XPR1: variants seen among roughly 807,000 people sequenced by gnomAD.
XPR1 encodes the protein xenotropic and polytropic retrovirus receptor 1, also known as solute carrier family 53 member 1.
A neutral mutation model predicts 87.5 loss-of-function variants in XPR1; 28 were observed. That is an observed-to-expected ratio of 0.32 (90% confidence interval 0.24 to 0.44). XPR1 has a LOEUF of 0.44. Ranked by LOEUF, XPR1 falls within the 20% of genes least tolerant of loss-of-function variation. XPR1 has a pLI of 1.00. For missense variants in XPR1, 559 were observed against 862.3 expected (o/e 0.65, Z 4.41); for synonymous variants, 300 against 306.1 (o/e 0.98, Z 0.21).
At chr1:180,736,274 G>A (rs772656102) in intron 2 of XPR1, among the ~76,000 whole-genome samples, 58 of 152,026 alleles carry the variant, frequency 3.8e-4, no homozygotes, top group Non-Finnish European at 5.1e-4. Context: ...TGGTATATTC[G>A]GGCTACCTGA....
At chr1:180,696,208 G>GTA (rs71121045) in intron 2 of XPR1, among the ~76,000 whole-genome samples, 2,060 of 88,438 alleles carry the variant, frequency 0.023, 110 homozygotes, top group East Asian at 0.17. Flanking sequence ...GTGTGTGTGT[G>GTA]TATATATATA....
intron 1 of XPR1, among the ~76,000 whole-genome samples, chr1:180,671,339 G>C (rs927717079): frequency 6.6e-6 from 1 of 152,128 alleles, no homozygotes; most frequent in Non-Finnish European, 1.5e-5. Context: ...AAATTCTGTT[G>C]AAATAGTTTA....
chr1:180,782,882 C>T (rs183025508), intron 2 of XPR1, among the ~76,000 whole-genome samples: 1 of 150,802 alleles, frequency 6.6e-6, no homozygotes, highest in East Asian at 1.9e-4. Context: ...ACTCATGTCA[C>T]CTAGGCTCTT....
intron 11 of XPR1, among the ~76,000 whole-genome samples, chr1:180,857,945 G>A (rs1258566342): frequency 6.6e-6 from 1 of 152,142 alleles, no homozygotes; most frequent in African/African-American, 2.4e-5. Flanking sequence ...GGCCGGGTGT[G>A]GTGGCTCACA....
chr1:180,752,135 C>A (rs1394215282), intron 2 of XPR1, among the ~76,000 whole-genome samples: 2 of 152,064 alleles, frequency 1.3e-5, no homozygotes, highest in Non-Finnish European at 2.9e-5. Flanking sequence ...ATATTTATGG[C>A]ATGAATTGAC....
At chr1:180,856,952 T>C (rs2102198498) in intron 11 of XPR1, among the ~76,000 whole-genome samples, 1 of 151,850 alleles carries the variant, frequency 6.6e-6, no homozygotes, top group East Asian at 1.9e-4. Flanking sequence ...AATCGAAATG[T>C]GCCGTAAGTA....
Position 180,824,935 on chromosome 1 carries a change from C to G in XPR1, c.946C>G (p.Leu316Val). 1 of 1,613,436 alleles carries G rather than the reference C, an allele frequency of 6.2e-7. No individual in the cohort carries two copies. The highest frequency in any genetic ancestry group is 8.5e-7 in the Non-Finnish European group (1 of 1,179,788). Residue 316 changes from leucine to valine, a missense_variant, in exon 8 of 15, where the codon CTC becomes GTC. Leu to Val is a conservative substitution (Grantham distance 32, BLOSUM62 1). This residue lies in a region of XPR1 where 264 missense variants were observed against 377.2 expected (regional missense o/e 0.70). Transcript: ENST00000367590. ...GAGAAGCAATTTGTCTCATCAACAT[C>G]TCTTTGAGGTAATCAAAGCAAGACA... ...NPRSNLSHQHLFEIAGFLGIL... is the reference protein window; with the variant it reads ...NPRSNLSHQHVFEIAGFLGIL...
intron 12 of XPR1, among the ~76,000 whole-genome samples, chr1:180,866,132 A>C (rs1652381437): frequency 6.6e-6 from 1 of 152,250 alleles, no homozygotes; most frequent in South Asian, 2.1e-4. Context: ...GGATCACTTG[A>C]GCCCTGGAGT....
At chr1:180,804,786 A>G (rs1417473804) in intron 4 of XPR1, among the ~76,000 whole-genome samples, 2 of 152,176 alleles carry the variant, frequency 1.3e-5, no homozygotes, top group Admixed American at 6.5e-5. Flanking sequence ...TAGAAAAATA[A>G]TTACATATAT....
chr1:180,799,374 A>G (rs1013470305), intron 3 of XPR1, among the ~76,000 whole-genome samples: 1 of 152,134 alleles, frequency 6.6e-6, no homozygotes, highest in African/African-American at 2.4e-5. Flanking sequence ...ACAGAACCCC[A>G]TCCTTTCAGA....
At chr1:180,748,893 T>C (rs1166310414) in intron 2 of XPR1, among the ~76,000 whole-genome samples, 1 of 152,238 alleles carries the variant, frequency 6.6e-6, no homozygotes, top group African/African-American at 2.4e-5. Flanking sequence ...TTTTATTGAC[T>C]GTCTAGATTT....
At chr1:180,825,419 C>T in intron 9 of XPR1, 75 bp downstream of exon 9, 1 of 1,451,926 alleles carries the variant, frequency 6.9e-7, no homozygotes, top group Non-Finnish European at 9.3e-7. Flanking sequence ...AAAACCAAGG[C>T]TGCTAGGTTG....
intron 3 of XPR1, among the ~76,000 whole-genome samples, chr1:180,791,538 A>C (rs911838960): frequency 2.0e-5 from 3 of 152,186 alleles, no homozygotes; most frequent in Non-Finnish European, 4.4e-5. Context: ...TGGTCTCCCA[A>C]AGTGCTTGGA....
chr1:180,692,053 A>G (rs969322959), intron 2 of XPR1, among the ~76,000 whole-genome samples: 2 of 152,146 alleles, frequency 1.3e-5, no homozygotes, highest in African/African-American at 4.8e-5. Flanking sequence ...TAAAAAAATT[A>G]TTTACATGAC....
Position 180,863,970 on chromosome 1 carries a change from T to C in XPR1, c.1668+96T>C, listed in dbSNP as rs148688008. ...CAGACCCAACCTCTAATTATATTACTCTAATATAATTAGAAAAATAATTAA... is the reference window on the plus strand; with the variant it reads ...CAGACCCAACCTCTAATTATATTACCCTAATATAATTAGAAAAATAATTAA... On this transcript the variant is annotated intron_variant, in intron 12 of 14. Coordinates refer to ENST00000367590, the MANE Select transcript of XPR1 (RefSeq NM_004736.4). 2.6e-4 allele frequency: 242 copies of C among 924,702 alleles called. No homozygotes were observed. The African/African-American group carries it at 3.8e-3, about 15-fold the overall frequency. The allele number at this position is 924,702 out of a possible 1,614,324, so 57.3% of individuals were successfully genotyped here.
rs1367741406 is a variant in XPR1 at position 180,761,436 on chromosome 1, C to G, written c.122-26317C>G. On this transcript the variant is annotated intron_variant, in intron 2 of 14. Coordinates refer to ENST00000367590, the MANE Select transcript of XPR1 (RefSeq NM_004736.4). ...AACAAATTTACAAGAAAAAAACAAC[C>G]AACCCCATCAAAAAGTGGGCGAAGG... 2.6e-5 allele frequency among the ~76,000 whole-genome samples: 4 copies of G among 152,222 alleles called. No homozygotes were observed. The South Asian group carries it at 8.3e-4, about 32-fold the overall frequency.
intron 2 of XPR1, among the ~76,000 whole-genome samples, chr1:180,758,393 C>T (rs1647846636): frequency 6.6e-6 from 1 of 152,166 alleles, no homozygotes; most frequent in South Asian, 2.1e-4. Context: ...GTATTTATTA[C>T]CACTGAAGTA....
intron 3 of XPR1, among the ~76,000 whole-genome samples, chr1:180,791,272 TTTTG>T (rs1041135793): frequency 6.6e-6 from 1 of 152,148 alleles, no homozygotes; most frequent in African/African-American, 2.4e-5. Flanking sequence ...ACTTTGTTTT[TTTTG>T]TTTGTTTGTT....
chr1:180,795,965 C>G (rs1649560040), intron 3 of XPR1, among the ~76,000 whole-genome samples: 1 of 152,120 alleles, frequency 6.6e-6, no homozygotes, highest in Non-Finnish European at 1.5e-5. Context: ...CACCAGCACA[C>G]CTGGCTAATT....
Sources: allele counts gnomAD v4.1 joint callset (sites outside exome capture counted in the v4.1 genomes callset), GRCh38; gene constraint gnomAD v4.1.1; regional missense constraint gnomAD v4.1.1; transcripts MANE v1.5; gene names NCBI Gene and HGNC (gene_info 2026-07-23, HGNC 2026-07-21).